MARCHF1: variants seen among roughly 807,000 people sequenced by gnomAD.
MARCHF1 encodes E3 ubiquitin-protein ligase MARCHF1.
A neutral mutation model predicts 54.2 loss-of-function variants in MARCHF1; 40 were observed. The ratio of observed to expected loss-of-function variants is 0.74; its 90% CI spans 0.57 to 0.96. The LOEUF (loss-of-function observed/expected upper bound fraction) is 0.96, where lower values mean the gene tolerates loss of function less well. MARCHF1 is among the 40% of genes least tolerant of loss of function. MARCHF1 has a pLI of 0.00. For synonymous variants in MARCHF1, 236 were observed against 236.3 expected (o/e 1.00, Z 0.01); for missense variants, 586 against 656.5 (o/e 0.89, Z 1.17).
At chr4:163,640,743 T>C (rs1742523244) in intron 5 of MARCHF1, among the ~76,000 whole-genome samples, 1 of 151,968 alleles carries the variant, frequency 6.6e-6, no homozygotes, top group Non-Finnish European at 1.5e-5. Context: ...ATAAATTGGA[T>C]TCTTATACAG....
intron 4 of MARCHF1, among the ~76,000 whole-genome samples, chr4:163,798,361 G>T (rs1252002014): frequency 6.6e-6 from 1 of 152,078 alleles, no homozygotes; most frequent in African/African-American, 2.4e-5. Context: ...CTTTAGAAAA[G>T]AAATAAAAAT....
At chr4:164,259,599 AAAG>A (rs907619016) in intron 1 of MARCHF1, among the ~76,000 whole-genome samples, 10 of 151,552 alleles carry the variant, frequency 6.6e-5, no homozygotes, top group Non-Finnish European at 1.2e-4. Flanking sequence ...AAAAAAAAGA[AAAG>A]AAGAAGTATA....
intron 3 of MARCHF1, among the ~76,000 whole-genome samples, chr4:163,933,667 G>A (rs191754753): frequency 4.6e-5 from 7 of 152,272 alleles, no homozygotes; most frequent in African/African-American, 7.2e-5. Context: ...TCCCATACTC[G>A]TCAGGGTTTC....
chr4:164,212,445 T>C (rs1365676896), intron 1 of MARCHF1, among the ~76,000 whole-genome samples: 1 of 152,214 alleles, frequency 6.6e-6, no homozygotes, highest in Non-Finnish European at 1.5e-5. Flanking sequence ...TTTTTCTATT[T>C]TGATATCTTT....
At chr4:163,661,196 T>C (rs1472401992) in intron 5 of MARCHF1, among the ~76,000 whole-genome samples, 1 of 152,044 alleles carries the variant, frequency 6.6e-6, no homozygotes, top group Non-Finnish European at 1.5e-5. Flanking sequence ...TCACCTGCTA[T>C]GCTAACTTTT....
At chr4:163,710,626 T>G (rs1745080407) in intron 4 of MARCHF1, among the ~76,000 whole-genome samples, 2 of 151,290 alleles carry the variant, frequency 1.3e-5, no homozygotes, top group South Asian at 4.2e-4. Context: ...AACCAAAGAC[T>G]TTTTTTTTAA....
intron 1 of MARCHF1, among the ~76,000 whole-genome samples, chr4:164,148,141 T>TC (rs1729815321): frequency 8.0e-5 from 7 of 87,916 alleles, no homozygotes; most frequent in South Asian, 3.8e-4. Context: ...TTTAAAAAAA[T>TC]AACACACACA....
chr4:164,211,595 TAG>T (rs920501539), intron 1 of MARCHF1, among the ~76,000 whole-genome samples: 10 of 151,956 alleles, frequency 6.6e-5, no homozygotes, highest in Non-Finnish European at 1.0e-4. Context: ...CAAATATGTA[TAG>T]AGTGTTTGCC....
chr4:163,879,831 G>GTT (rs1159533086), intron 3 of MARCHF1, among the ~76,000 whole-genome samples: 5 of 151,828 alleles, frequency 3.3e-5, no homozygotes, highest in Admixed American at 6.6e-5. Flanking sequence ...GTGTGTGTGT[G>GTT]TGTAGCTTTT....
intron 5 of MARCHF1, among the ~76,000 whole-genome samples, chr4:163,613,983 C>G (rs1741435617): frequency 1.3e-5 from 2 of 152,114 alleles, no homozygotes; most frequent in African/African-American, 4.8e-5. Context: ...CATACTAAGT[C>G]TGAAAATAAG....
chr4:164,359,908 C>T (rs777186220), intron 1 of MARCHF1, among the ~76,000 whole-genome samples: 1 of 152,196 alleles, frequency 6.6e-6, no homozygotes, highest in South Asian at 2.1e-4. Flanking sequence ...CTAAAGGGGA[C>T]TGTGATTCAC....
intron 3 of MARCHF1, among the ~76,000 whole-genome samples, chr4:163,917,765 T>C (rs955994874): frequency 6.6e-6 from 1 of 152,160 alleles, no homozygotes; most frequent in Non-Finnish European, 1.5e-5. Context: ...TTCTTCCTGA[T>C]ATTCTCTCTC....
At chr4:163,994,752 C>CACACACACACAA (rs1560853130) in intron 2 of MARCHF1, among the ~76,000 whole-genome samples, 5 of 98,172 alleles carry the variant, frequency 5.1e-5, no homozygotes, top group African/African-American at 2.1e-4. Flanking sequence ...CACACACACA[C>CACACACACACAA]ACACACACAC....
chr4:163,690,929 A>G (rs745937820), intron 5 of MARCHF1, among the ~76,000 whole-genome samples: 3 of 152,188 alleles, frequency 2.0e-5, no homozygotes, highest in Non-Finnish European at 4.4e-5. Flanking sequence ...AAACCTGCAG[A>G]GCCCAAAGCG....
rs200498205 is a variant in MARCHF1 at position 164,130,335 on chromosome 4, GC to G, written c.-322-18674del. ...TGGATGTGTATTAAAAGGTATAAAA[GC>G]AATTTTAAATTCAGATACTGAATGT... On this transcript the variant is annotated intron_variant, in intron 1 of 9. Transcript: ENST00000514618. Among the ~76,000 whole-genome samples the G allele has an allele frequency of 3.6e-3, 545 of 152,176 alleles. 5 individuals are homozygous for G. The highest frequency in any genetic ancestry group is 0.012 in the African/African-American group (512 of 41,528).
chr4:164,323,597 C>CAAAAAAAAAAAAA lies in MARCHF1; in HGVS notation c.-323+60260_-323+60272dup, dbSNP rs70952622. On this transcript the variant is annotated intron_variant, in intron 1 of 9. Transcript: ENST00000514618. ...CACTGATTAAGGAGAGGATGAGTAG[C>CAAAAAAAAAAAAA]AAAAAAAAAAAAAAAAAAAAAAAAA... 2.3e-4 allele frequency among the ~76,000 whole-genome samples: 7 copies of CAAAAAAAAAAAAA among 30,946 alleles called. 1 individual carries two copies. Among genetic ancestry groups the CAAAAAAAAAAAAA allele is most frequent in the African/African-American group, 1.1e-3 (7 of 6,458 alleles). The allele number at this position is 30,946 out of a possible 152,430, so 20.3% of individuals were successfully genotyped here.
intron 2 of MARCHF1, among the ~76,000 whole-genome samples, chr4:163,996,502 G>A (rs1753078881): frequency 6.6e-6 from 1 of 151,924 alleles, no homozygotes; most frequent in African/African-American, 2.4e-5. Flanking sequence ...GTCATTTTTT[G>A]TGTTCTTGGA....
chr4:164,169,817 A>G (rs1273573827), intron 1 of MARCHF1, among the ~76,000 whole-genome samples: 1 of 152,100 alleles, frequency 6.6e-6, no homozygotes, highest in Non-Finnish European at 1.5e-5. Flanking sequence ...TAACATCTTT[A>G]CTTGAGAGAA....
intron 9 of MARCHF1, among the ~76,000 whole-genome samples, chr4:163,532,892 C>G (rs1288172105): frequency 6.6e-6 from 1 of 151,924 alleles, no homozygotes; most frequent in Non-Finnish European, 1.5e-5. Flanking sequence ...GAACGACAAG[C>G]AGGAATTCTC....
Sources: gnomAD v4.1 joint callset for allele counts (sites outside exome capture counted in the v4.1 genomes callset) on GRCh38, gnomAD v4.1.1 for gene constraint, MANE v1.5 for transcripts, NCBI Gene and HGNC (gene_info 2026-07-23, HGNC 2026-07-21) for gene names.